The following PDE6D variants were observed in gnomAD, a reference collection of about 807,000 sequenced individuals.
PDE6D encodes phosphodiesterase 6D.
PDE6D carries 10 observed loss-of-function variants against 21.9 expected under a neutral mutation model. That is an observed-to-expected ratio of 0.46 (90% CI 0.28 to 0.78). PDE6D has a LOEUF of 0.78. Among genes scored for constraint, PDE6D ranks in the 30% least tolerant of loss-of-function variants. The probability of loss-of-function intolerance (pLI) is 0.12; values close to 1 mark genes in which losing one functional copy is unlikely to be tolerated. For synonymous variants in PDE6D, 59 were observed against 63.5 expected (o/e 0.93, Z 0.34); for missense variants, 139 against 184.8 (o/e 0.75, Z 1.44).
In PDE6D at chr2:231,781,152, T is replaced by G; in HGVS notation, c.-38A>C. 6.2e-7 allele frequency: 1 copy of G among 1,607,044 alleles called. No individual in the cohort carries two copies. On this transcript the variant is annotated 5_prime_UTR_variant, in exon 1 of 5. Coordinates refer to ENST00000287600, the MANE Select transcript of PDE6D (RefSeq NM_002601.4). Reference sequence around the variant, plus strand: ...GCCGCCCGCGGCTTTCTCACTCTGGTCGGCGGAGCCTCGCAGACGGTGCCC... The same window carrying G: ...GCCGCCCGCGGCTTTCTCACTCTGGGCGGCGGAGCCTCGCAGACGGTGCCC...
intron 1 of PDE6D, among the ~76,000 whole-genome samples, chr2:231,756,580 G>C (rs1179303927): frequency 6.6e-6 from 1 of 151,258 alleles, no homozygotes; most frequent in Non-Finnish European, 1.5e-5. Flanking sequence ...TAGGACTATG[G>C]GTGCAAACTA....
chr2:231,780,923 G>C (rs1252346677), intron 1 of PDE6D, 142 bp downstream of exon 1: 4 of 730,506 alleles, frequency 5.5e-6, no homozygotes, highest in Non-Finnish European at 9.0e-6. Flanking sequence ...CCGGGTGCTC[G>C]GCACGCTGTT....
At chr2:231,757,951 TAAA>T (rs775118317) in intron 1 of PDE6D, among the ~76,000 whole-genome samples, 1 of 147,102 alleles carries the variant, frequency 6.8e-6, no homozygotes, top group African/African-American at 2.5e-5. Context: ...CATGGCCCCT[TAAA>T]AAAAAAAGAA....
At chr2:231,744,466 CTCTTG>C (rs2048776047) in intron 1 of PDE6D, among the ~76,000 whole-genome samples, 2 of 147,404 alleles carry the variant, frequency 1.4e-5, no homozygotes, top group Admixed American at 1.4e-4. Flanking sequence ...CAGAGTTTCG[CTCTTG>C]TTGCCCCGAC....
At chr2:231,752,223 AG>A (rs2048845186) in intron 1 of PDE6D, among the ~76,000 whole-genome samples, 1 of 144,354 alleles carries the variant, frequency 6.9e-6, no homozygotes, top group Admixed American at 6.9e-5. Flanking sequence ...GTTTATAGTC[AG>A]AAGGAAAAGC....
intron 1 of PDE6D, among the ~76,000 whole-genome samples, chr2:231,768,945 T>C (rs1246318930): frequency 6.6e-6 from 1 of 152,180 alleles, no homozygotes; most frequent in African/African-American, 2.4e-5. Flanking sequence ...CTCACCTCAC[T>C]GCAACCTCCG....
intron 1 of PDE6D, among the ~76,000 whole-genome samples, chr2:231,748,140 G>C (rs919470876): frequency 2.0e-5 from 3 of 152,186 alleles, no homozygotes; most frequent in Non-Finnish European, 4.4e-5. Context: ...TTGAAACTGG[G>C]TAACAGGCAG....
intron 1 of PDE6D, among the ~76,000 whole-genome samples, chr2:231,741,826 A>C (rs2048752141): frequency 6.6e-6 from 1 of 152,244 alleles, no homozygotes; most frequent in African/African-American, 2.4e-5. Context: ...ATAACAATGA[A>C]AGCACATGCT....
At chr2:231,765,835 T>C (rs936306094) in intron 1 of PDE6D, among the ~76,000 whole-genome samples, 17 of 152,222 alleles carry the variant, frequency 1.1e-4, no homozygotes, top group African/African-American at 3.9e-4. Flanking sequence ...ACACTTTGCC[T>C]TTATGATCTC....
chr2:231,770,083 C>T (rs780592831), intron 1 of PDE6D, among the ~76,000 whole-genome samples: 3 of 152,090 alleles, frequency 2.0e-5, no homozygotes, highest in Admixed American at 2.0e-4. Flanking sequence ...TCCCTATTAA[C>T]GAGATTATCT....
intron 1 of PDE6D, among the ~76,000 whole-genome samples, chr2:231,773,711 T>C (rs1346002632): frequency 6.6e-6 from 1 of 152,134 alleles, no homozygotes; most frequent in Non-Finnish European, 1.5e-5. Context: ...TCAGAAACCT[T>C]CTGAGCCCAA....
chr2:231,738,996 G>A, intron 2 of PDE6D, 104 bp downstream of exon 2: 1 of 705,936 alleles, frequency 1.4e-6, no homozygotes, highest in Non-Finnish European at 2.6e-6. Context: ...TGTGTCTTCA[G>A]GGGCTCACCC....
At chr2:231,774,977 A>C (rs1483274262) in intron 1 of PDE6D, among the ~76,000 whole-genome samples, 1 of 150,708 alleles carries the variant, frequency 6.6e-6, no homozygotes, top group Non-Finnish European at 1.5e-5. Flanking sequence ...CAGTGGTGTG[A>C]TCTCAGCTCA....
At chr2:231,734,862 A>AAG (rs1553555555) in intron 4 of PDE6D, among the ~76,000 whole-genome samples, 1 of 149,886 alleles carries the variant, frequency 6.7e-6, no homozygotes. Context: ...AAAAAACAAA[A>AAG]AAAAAAACCC....
chr2:231,759,454 G>A (rs758845467), intron 1 of PDE6D, among the ~76,000 whole-genome samples: 1 of 152,166 alleles, frequency 6.6e-6, no homozygotes, highest in African/African-American at 2.4e-5. Context: ...TATTATTCGT[G>A]TGTACAAAGG....
At chr2:231,744,497 G>A (rs1574620582) in intron 1 of PDE6D, among the ~76,000 whole-genome samples, 1 of 149,516 alleles carries the variant, frequency 6.7e-6, no homozygotes, top group African/African-American at 2.5e-5. Context: ...TGAATGGCAC[G>A]ATCTCGGCTC....
chr2:231,756,968 C>T (rs2048887620), intron 1 of PDE6D, among the ~76,000 whole-genome samples: 2 of 151,638 alleles, frequency 1.3e-5, no homozygotes, highest in Non-Finnish European at 2.9e-5. Context: ...GATATCTTTT[C>T]TTTTTTTGAG....
intron 4 of PDE6D, among the ~76,000 whole-genome samples, chr2:231,735,884 C>A (rs2048696682): frequency 1.3e-5 from 2 of 151,538 alleles, no homozygotes; most frequent in Admixed American, 6.6e-5. Context: ...AAAAAATTAA[C>A]CGGTGTGGTG....
intron 1 of PDE6D, among the ~76,000 whole-genome samples, chr2:231,759,843 C>T (rs2048912157): frequency 6.6e-6 from 1 of 152,134 alleles, no homozygotes; most frequent in African/African-American, 2.4e-5. Flanking sequence ...CCCTTTGCGG[C>T]TTCTTGGCAA....
Sources: gnomAD v4.1 joint callset for allele counts (sites outside exome capture counted in the v4.1 genomes callset) on GRCh38, gnomAD v4.1.1 for gene constraint, MANE v1.5 for transcripts, NCBI Gene and HGNC (gene_info 2026-07-23, HGNC 2026-07-21) for gene names.